The following TENT5B variants were observed in gnomAD, a reference collection of about 807,000 sequenced individuals.
TENT5B encodes terminal nucleotidyltransferase 5B, also known as family with sequence similarity 46 member B.
A neutral mutation model predicts 21.7 loss-of-function variants in TENT5B; 12 were observed. The ratio of observed to expected loss-of-function variants is 0.55; its 90% CI spans 0.36 to 0.90. The LOEUF (loss-of-function observed/expected upper bound fraction) is 0.90. Ranked by LOEUF, TENT5B falls within the 40% of genes least tolerant of loss-of-function variation. TENT5B has a pLI of 0.01. For synonymous variants in TENT5B, 262 were observed against 266.6 expected, an observed-to-expected ratio of 0.98 and a Z score of 0.17; for missense variants, 540 against 601.5, an observed-to-expected ratio of 0.90 and a Z score of 1.07.
chr1:27,011,370 G>A (rs2082623134), intron 1 of TENT5B, among the ~76,000 whole-genome samples: 1 of 152,182 alleles, frequency 6.6e-6, no homozygotes, highest in African/African-American at 2.4e-5. Context: ...AGTCCTCGCT[G>A]GGTTTCTTGG....
At chr1:27,010,836 G>A (rs1380386342) in intron 1 of TENT5B, among the ~76,000 whole-genome samples, 1 of 152,190 alleles carries the variant, frequency 6.6e-6, no homozygotes, top group Non-Finnish European at 1.5e-5. Flanking sequence ...ATCTGGCTAG[G>A]AGCACCTGAA....
In TENT5B at chr1:27,006,538, G is replaced by A. The variant is rs200644244; in HGVS notation, c.684C>T (p.Leu228=). Residue 228 remains leucine (L), a synonymous_variant, in exon 2 of 2, where the codon CTC becomes CTT. Transcript: ENST00000289166. The surrounding 1 kb of genome is among the most constrained non-coding windows in gnomAD (Gnocchi z 9.4). ...SFQIILDSLL[L]FGQCSSTPMS... is the part of the protein sequence containing the mutation. Reference sequence around the variant, plus strand: ...TGGGAGTGGACGAGCACTGGCCAAAGAGCAACAGGGAGTCCAGGATGATCT... The same window carrying A: ...TGGGAGTGGACGAGCACTGGCCAAAAAGCAACAGGGAGTCCAGGATGATCT... The A allele has an allele frequency of 6.2e-6, 10 of 1,614,070 alleles. No individual in the cohort carries two copies. Among genetic ancestry groups the A allele is most frequent in the East Asian group, 2.2e-5 (1 of 44,894 alleles).
intron 1 of TENT5B, among the ~76,000 whole-genome samples, chr1:27,009,093 A>C (rs1287184043): frequency 6.9e-6 from 1 of 144,882 alleles, no homozygotes; most frequent in Admixed American, 7.3e-5. Flanking sequence ...CAGCCTCCCA[A>C]GTAGGTGGGA....
rs2082596793 is a variant in TENT5B, at chr1:27,006,116, A to G, written c.1106T>C (p.Ile369Thr). Residue 369 changes from isoleucine to threonine, a missense_variant, in exon 2 of 2, where the codon ATT becomes ACT. By Grantham distance (89) the Ile-to-Thr change is moderately conservative. Coordinates refer to ENST00000289166, the MANE Select transcript of TENT5B (RefSeq NM_052943.4). The surrounding 1 kb of genome is among the most constrained non-coding windows in gnomAD (Gnocchi z 9.4). ...CAGTGCCTGCAGCGCCAGTGCGGCA[A>G]TGAGGTCCAGCGTCTGGCGGCGCTC... is the stretch of plus-strand genomic sequence containing the variant. Reference protein sequence around the residue: ...NHERRQTLDLIAALALQALAE... With the variant: ...NHERRQTLDLTAALALQALAE... 6.2e-7 allele frequency: 1 copy of G among 1,608,900 alleles called. No individual in the cohort carries two copies. Among genetic ancestry groups the G allele is most frequent in the South Asian group, 1.1e-5 (1 of 90,764 alleles).
Position 27,011,465 on chromosome 1 carries a change from T to C in TENT5B, c.264+942A>G, listed in dbSNP as rs376013036. 2.0e-5 allele frequency among the ~76,000 whole-genome samples: 3 copies of C among 152,218 alleles called. No homozygotes were observed. In the East Asian group the frequency reaches 5.8e-4, roughly 29 times the overall value. On this transcript the variant is annotated intron_variant, in intron 1 of 1. Transcript: ENST00000289166. ...GGGTGGGAAAACATTGAACCTACTG[T>C]AATCTGCTCCTGGGAAGACCCAAAA...
intron 1 of TENT5B, 137 bp from the exon 2 acceptor site, chr1:27,007,094 C>CT (rs1226485396): frequency 1.4e-3 from 188 of 137,796 alleles, no homozygotes; most frequent in African/African-American, 2.6e-3. Flanking sequence ...AATCATTTAA[C>CT]TTTTTTTTTT....
chr1:27,007,210 A>G (rs1015980728), intron 1 of TENT5B, among the ~76,000 whole-genome samples: 3 of 152,090 alleles, frequency 2.0e-5, no homozygotes, highest in African/African-American at 7.2e-5. Context: ...CAATGATAAT[A>G]GCACACATCT....
At chr1:27,011,806 G>C (rs575670491) in intron 1 of TENT5B, among the ~76,000 whole-genome samples, 23 of 152,268 alleles carry the variant, frequency 1.5e-4, no homozygotes, top group African/African-American at 4.3e-4. Flanking sequence ...GTTGCCCTTG[G>C]GGGTGGGGTA....
chr1:27,012,377 C>A, intron 1 of TENT5B, 30 bp downstream of exon 1: 1 of 1,600,908 alleles, frequency 6.2e-7, no homozygotes, highest in East Asian at 2.3e-5. Context: ...GAAGGGATTC[C>A]CCCACATCCC....
rs779099813 is a variant in TENT5B, at chr1:27,006,345, G to A, written c.877C>T (p.Arg293Trp). The change falls in exon 2 of 2, where the codon CGG (arginine) becomes TGG (tryptophan). Residue 293 changes from arginine (R) to tryptophan (W), a missense_variant. Arg to Trp is a moderately radical substitution (Grantham distance 101). Transcript: ENST00000289166. The surrounding 1 kb of genome is among the most constrained non-coding windows in gnomAD (Gnocchi z 9.4). ...AGGGCGCGCACATCGGTGCTGGGCC[G>A]GGGCCGGAAGCCCCGCACCAGGAGG... is the stretch of plus-strand genomic sequence containing the variant. ...CHLLVRGFRP[R>W]PSTDVRALQR... 7.5e-5 allele frequency: 120 copies of A among 1,610,664 alleles called. No individual in the cohort carries two copies. The highest frequency in any genetic ancestry group is 9.8e-5 in the Non-Finnish European group (115 of 1,178,530).
intron 1 of TENT5B, among the ~76,000 whole-genome samples, chr1:27,007,903 A>G (rs2082608411): frequency 6.6e-6 from 1 of 152,232 alleles, no homozygotes; most frequent in Admixed American, 6.5e-5. Context: ...CAGAGCGGTC[A>G]GGCTGAGACC....
At position 27,006,852 on chromosome 1, in the gene TENT5B, T is replaced by A; in HGVS notation, c.370A>T (p.Lys124Ter). Residue 124 changes from lysine to a stop codon, truncating the protein, a stop_gained, in exon 2 of 2, where the codon AAG becomes TAG. Transcript: ENST00000289166. LOFTEE classifies it high-confidence loss of function. This position sits in a 1 kb window ranked among gnomAD's most constrained non-coding sequence, Gnocchi z 9.4. ...ACCCGGAACACCAGGTCCAGATCCT[T>A]GTAGCCCAGGCCACTCTCAGGGTGC... ...VLHPESGLGYKDLDLVFRVDL... is the reference protein window; with the variant it reads ...VLHPESGLGY 1.2e-6 allele frequency: 2 copies of A among 1,613,966 alleles called. No homozygotes were observed. The highest frequency in any genetic ancestry group is 1.7e-6 in the Non-Finnish European group (2 of 1,180,018).
intron 1 of TENT5B, among the ~76,000 whole-genome samples, chr1:27,009,775 C>T (rs1359884724): frequency 6.6e-6 from 1 of 152,230 alleles, no homozygotes; most frequent in African/African-American, 2.4e-5. Context: ...GAGTAGGTAG[C>T]AGTACTCTTG....
intron 1 of TENT5B, among the ~76,000 whole-genome samples, chr1:27,011,455 G>GA (rs1416806005): frequency 6.6e-6 from 1 of 152,142 alleles, no homozygotes; most frequent in Non-Finnish European, 1.5e-5. Flanking sequence ...GGAAAACATT[G>GA]AACCTACTGT....
chr1:27,005,726 A>G lies in TENT5B; in HGVS notation c.*218T>C. The G allele has an allele frequency of 1.8e-6, 1 of 544,936 alleles. No individual in the cohort carries two copies. Among genetic ancestry groups the G allele is most frequent in the Non-Finnish European group, 3.0e-6 (1 of 329,104 alleles). 33.8% of individuals were successfully genotyped at this position (544,936 alleles called of 1,614,324 possible). Reference sequence around the variant, plus strand: ...GCATGCTGGTCCAAAAGTGTGATGCAATAACCAAAGGGTCCTCCTGCTGAG... The same window carrying G: ...GCATGCTGGTCCAAAAGTGTGATGCGATAACCAAAGGGTCCTCCTGCTGAG... On this transcript the variant is annotated 3_prime_UTR_variant, in exon 2 of 2. Transcript: ENST00000289166.
Position 27,006,874 on chromosome 1 carries a change from G to A in TENT5B, c.348C>T (p.His116=). ...LHGSAASHVL[H]PESGLGYKDL... is the part of the protein sequence containing the mutation. Reference sequence around the variant, plus strand: ...CCTTGTAGCCCAGGCCACTCTCAGGGTGCAGCACGTGGCTGGCAGCTGAAC... The same window carrying A: ...CCTTGTAGCCCAGGCCACTCTCAGGATGCAGCACGTGGCTGGCAGCTGAAC... The change falls in exon 2 of 2, where the codon CAC becomes CAT. Residue 116 remains histidine (H), a synonymous_variant. Transcript: ENST00000289166. This position sits in a 1 kb window ranked among gnomAD's most constrained non-coding sequence, Gnocchi z 9.4. 2 of 1,613,960 alleles carry A rather than the reference G, an allele frequency of 1.2e-6. No individual in the cohort carries two copies. The highest frequency in any genetic ancestry group is 1.7e-6 in the Non-Finnish European group (2 of 1,180,026).
chr1:27,006,322 G>A lies in TENT5B; in HGVS notation c.900C>T (p.Ala300=), dbSNP rs773871866. 3 of 1,610,962 alleles carry A rather than the reference G, an allele frequency of 1.9e-6. No homozygotes were observed. In the East Asian group the frequency reaches 6.7e-5, roughly 36 times the overall value. ...FRPRPSTDVR[A]LQRYMCSRFF... ...AGCGGGAGCACATGTAGCGCTGCAG[G>A]GCGCGCACATCGGTGCTGGGCCGGG... is the stretch of plus-strand genomic sequence containing the variant. The change falls in exon 2 of 2, where the codon GCC becomes GCT. Residue 300 remains alanine, a synonymous_variant. Coordinates refer to ENST00000289166, the MANE Select transcript of TENT5B (RefSeq NM_052943.4). This position sits in a 1 kb window ranked among gnomAD's most constrained non-coding sequence, Gnocchi z 9.4.
At chr1:27,008,509 G>A (rs113291026) in intron 1 of TENT5B, among the ~76,000 whole-genome samples, 4 of 152,302 alleles carry the variant, frequency 2.6e-5, no homozygotes, top group Middle Eastern at 3.4e-3. Flanking sequence ...AGAATGGGGC[G>A]TAAGCAGCTG....
At position 27,012,463 on chromosome 1, in the gene TENT5B, T is replaced by C. The variant is rs772744023; in HGVS notation, c.208A>G (p.Ile70Val). The C allele has an allele frequency of 1.2e-6, 2 of 1,613,172 alleles. No homozygotes were observed. The highest frequency in any genetic ancestry group is 2.2e-5 in the East Asian group (1 of 44,862). The change falls in exon 1 of 2, where the codon ATT (isoleucine) becomes GTT (valine). Residue 70 changes from isoleucine to valine, a missense_variant. Physicochemically the swap from Ile to Val is conservative, Grantham distance 29. Transcript: ENST00000289166. ...GTGGGGAAGTTGCCGCGCCCGTGAA[T>C]GGGAATCGGCTCGCTCAGAAGAGCG... ...LDALLSEPIP[I>V]HGRGNFPTLS...
Sources: allele counts gnomAD v4.1 joint callset (sites outside exome capture counted in the v4.1 genomes callset), GRCh38; gene constraint gnomAD v4.1.1; non-coding constraint Gnocchi (gnomAD v3.1); transcripts MANE v1.5; gene names NCBI Gene and HGNC (gene_info 2026-07-23, HGNC 2026-07-21).